The following SPHKAP variants were observed in gnomAD, a reference collection of about 807,000 sequenced individuals.
The protein encoded by SPHKAP is A-kinase anchor protein SPHKAP.
Under a neutral mutation model 137.5 loss-of-function variants are expected in SPHKAP, and 67 were observed. The observed-to-expected ratio is 0.49, with a 90% CI of 0.40 to 0.60. The LOEUF is 0.60. Among genes scored for constraint, SPHKAP ranks in the 20% least tolerant of loss-of-function variants. SPHKAP has a pLI of 0.00. For synonymous variants in SPHKAP, 813 were observed against 785.3 expected, an observed-to-expected ratio of 1.04 and a Z score of -0.59; for missense variants, 2,097 against 2,069.3, an observed-to-expected ratio of 1.01 and a Z score of -0.26.
At chr2:228,049,144 G>C (rs905476759) in intron 3 of SPHKAP, among the ~76,000 whole-genome samples, 1 of 152,026 alleles carries the variant, frequency 6.6e-6, no homozygotes, top group Non-Finnish European at 1.5e-5. Context: ...CAGGATTTTT[G>C]GAAGGGTTTA....
rs77077436 is a variant in SPHKAP at position 228,140,702 on chromosome 2, G to A, written c.33-8617C>T. On this transcript the variant is annotated intron_variant, in intron 1 of 11. Transcript: ENST00000392056. ...GGTGGGAAGTGATTGGATCATGGGG[G>A]GGTGGATTTCTCATGAATGGCTTAG... Among the ~76,000 whole-genome samples the A allele has an allele frequency of 3.4e-4, 51 of 152,178 alleles. 1 individual carries two copies. In the East Asian group the frequency reaches 8.1e-3, roughly 24 times the overall value.
chr2:228,180,708 G>A (rs1197906901), intron 1 of SPHKAP, among the ~76,000 whole-genome samples: 3 of 152,208 alleles, frequency 2.0e-5, no homozygotes, highest in African/African-American at 4.8e-5. Context: ...GAGCGCAAAG[G>A]CCACCTGCCC....
chr2:228,032,531 C>T (rs142313168), intron 3 of SPHKAP, among the ~76,000 whole-genome samples: 35,816 of 151,940 alleles, frequency 0.24, 4,573 homozygotes, highest in South Asian at 0.43. Flanking sequence ...ATACAGAGAA[C>T]GCCACAAAGA....
intron 1 of SPHKAP, among the ~76,000 whole-genome samples, chr2:228,135,512 C>T (rs1179852760): frequency 6.6e-6 from 1 of 152,154 alleles, no homozygotes; most frequent in Non-Finnish European, 1.5e-5. Context: ...TTAAGAACTG[C>T]TGAGCTCATC....
intron 1 of SPHKAP, among the ~76,000 whole-genome samples, chr2:228,159,939 C>A (rs941744454): frequency 6.6e-6 from 1 of 152,220 alleles, no homozygotes; most frequent in African/African-American, 2.4e-5. Context: ...TGTTCTGGGG[C>A]TAGGAGCCTG....
At chr2:228,145,193 T>G (rs997323614) in intron 1 of SPHKAP, among the ~76,000 whole-genome samples, 2 of 152,108 alleles carry the variant, frequency 1.3e-5, no homozygotes, top group Non-Finnish European at 2.9e-5. Flanking sequence ...AACAACAACA[T>G]CATCACACCA....
At chr2:228,004,082 A>T (rs1437823434) in intron 7 of SPHKAP, among the ~76,000 whole-genome samples, 1 of 152,190 alleles carries the variant, frequency 6.6e-6, no homozygotes, top group African/African-American at 2.4e-5. Flanking sequence ...TCATAAAATG[A>T]GTTAGGGAGG....
At chr2:228,102,534 G>A (rs980870699) in intron 3 of SPHKAP, among the ~76,000 whole-genome samples, 4 of 151,932 alleles carry the variant, frequency 2.6e-5, no homozygotes, top group African/African-American at 7.3e-5. Flanking sequence ...GATCTAATTC[G>A]GAGTCCATTT....
At chr2:228,036,739 C>T (rs4973600) in intron 3 of SPHKAP, among the ~76,000 whole-genome samples, 57,978 of 151,632 alleles carry the variant, frequency 0.38, 11,540 homozygotes, top group South Asian at 0.51. Flanking sequence ...TGTAGGGACA[C>T]GGATGAAGCT....
intron 3 of SPHKAP, among the ~76,000 whole-genome samples, chr2:228,069,253 G>A (rs1407672398): frequency 6.6e-6 from 1 of 152,084 alleles, no homozygotes; most frequent in Admixed American, 6.5e-5. Flanking sequence ...GGCGACAAGA[G>A]CAAAACTCTG....
intron 1 of SPHKAP, among the ~76,000 whole-genome samples, chr2:228,152,517 G>C (rs1487323982): frequency 1.3e-5 from 2 of 151,744 alleles, no homozygotes; most frequent in East Asian, 1.9e-4. Flanking sequence ...ATCTTATTTT[G>C]TTTAATTTTT....
At chr2:227,987,431 G>T (rs1693252932) in intron 11 of SPHKAP, among the ~76,000 whole-genome samples, 1 of 152,176 alleles carries the variant, frequency 6.6e-6, no homozygotes, top group African/African-American at 2.4e-5. Flanking sequence ...ATCTAAGAGG[G>T]TAGGAAGTGA....
intron 1 of SPHKAP, among the ~76,000 whole-genome samples, chr2:228,161,642 G>A (rs1700279020): frequency 6.6e-6 from 1 of 151,924 alleles, no homozygotes; most frequent in African/African-American, 2.4e-5. Flanking sequence ...AACCACCATG[G>A]CACACGTTTA....
Position 228,127,162 on chromosome 2 carries a change from T to C in SPHKAP, c.138+4818A>G, listed in dbSNP as rs77866144. Reference sequence around the variant, plus strand: ...TGGTGGTTTATCAGGACAGCCTTGCTACTTCTCAGATGTAACTGTCCTTGT... The same window carrying C: ...TGGTGGTTTATCAGGACAGCCTTGCCACTTCTCAGATGTAACTGTCCTTGT... On this transcript the variant is annotated intron_variant, in intron 2 of 11. Coordinates refer to ENST00000392056, the MANE Select transcript of SPHKAP (RefSeq NM_001142644.2). Among the ~76,000 whole-genome samples, 778 of 152,336 alleles carry C rather than the reference T, an allele frequency of 5.1e-3. 9 individuals carry two copies. The highest frequency in any genetic ancestry group is 0.018 in the African/African-American group (734 of 41,586).
chr2:228,078,380 CTTT>C (rs11322966), intron 3 of SPHKAP, among the ~76,000 whole-genome samples: 7 of 128,194 alleles, frequency 5.5e-5, no homozygotes, highest in South Asian at 2.6e-4. Context: ...TGTTGGCAGA[CTTT>C]TTTTTTTTTT....
intron 3 of SPHKAP, among the ~76,000 whole-genome samples, chr2:228,094,058 A>G (rs1300746449): frequency 6.6e-6 from 1 of 152,046 alleles, no homozygotes; most frequent in African/African-American, 2.4e-5. Flanking sequence ...AACAATCTAA[A>G]TATCTAGGTA....
intron 1 of SPHKAP, among the ~76,000 whole-genome samples, chr2:228,162,709 A>G (rs527253172): frequency 4.4e-4 from 67 of 152,010 alleles, no homozygotes; most frequent in African/African-American, 1.5e-3. Context: ...TTATTTATTT[A>G]TTTTTTTAGA....
intron 6 of SPHKAP, among the ~76,000 whole-genome samples, chr2:228,020,920 T>C (rs1694819037): frequency 6.6e-6 from 1 of 152,132 alleles, no homozygotes; most frequent in Admixed American, 6.5e-5. Flanking sequence ...CCACCATTTT[T>C]CAGGGGAAAG....
intron 3 of SPHKAP, among the ~76,000 whole-genome samples, chr2:228,046,677 T>C (rs984756556): frequency 6.6e-6 from 1 of 152,200 alleles, no homozygotes; most frequent in African/African-American, 2.4e-5. Flanking sequence ...CTGGCTTTAG[T>C]ATATTCAGAA....
Sources: allele counts gnomAD v4.1 joint callset (sites outside exome capture counted in the v4.1 genomes callset), GRCh38; gene constraint gnomAD v4.1.1; transcripts MANE v1.5; gene names NCBI Gene and HGNC (gene_info 2026-07-23, HGNC 2026-07-21).